RRAGD: variants seen among roughly 807,000 people sequenced by gnomAD.
RRAGD encodes the protein Ras related GTP binding D, also known as ras-related GTP-binding protein D.
In RRAGD, 12 loss-of-function variants were observed where a neutral mutation model predicts 35.5. The observed-to-expected ratio is 0.34, with a 90% confidence interval of 0.22 to 0.55. RRAGD has a LOEUF of 0.55. Among genes scored for constraint, RRAGD ranks in the 20% least tolerant of loss-of-function variants. The pLI, the probability that RRAGD is intolerant of heterozygous loss-of-function variation, is 0.91. For missense variants in RRAGD, 324 were observed against 490.1 expected (o/e 0.66, Z 3.20); for synonymous variants, 155 against 178.9 (o/e 0.87, Z 1.07).
chr6:89,392,524 T>C (rs1261254119), intron 1 of RRAGD, among the ~76,000 whole-genome samples: 1 of 151,888 alleles, frequency 6.6e-6, no homozygotes, highest in African/African-American at 2.4e-5. Context: ...GTATATACAT[T>C]AAATTATTTT....
rs1408104589 is a variant in RRAGD, at chr6:89,411,797, A to C, written c.148+49T>G. 17 of 1,510,022 alleles carry C rather than the reference A, an allele frequency of 1.1e-5. No individual in the cohort carries two copies. Among genetic ancestry groups the C allele is most frequent in the East Asian group, 5.1e-5 (2 of 38,870 alleles). The allele number at this position is 1,510,022 out of a possible 1,614,324, so 93.5% of individuals were successfully genotyped here. ...GCCGGGCTGGGGGCGGGAAGGCGCCAAGGGGAGGAAAGGGGCGCGAGCCGA... is the reference window on the plus strand; with the variant it reads ...GCCGGGCTGGGGGCGGGAAGGCGCCCAGGGGAGGAAAGGGGCGCGAGCCGA... On this transcript the variant is annotated intron_variant, in intron 1 of 6. Transcript: ENST00000369415. The surrounding 1 kb of genome is among the most constrained non-coding windows in gnomAD (Gnocchi z 5.6).
rs531538035 is a variant in RRAGD, at chr6:89,407,677, C to T, written c.148+4169G>A. Among the ~76,000 whole-genome samples, 28 of 152,024 alleles carry T rather than the reference C, an allele frequency of 1.8e-4. 1 individual carries two copies. Among genetic ancestry groups the T allele is most frequent in the Non-Finnish European group, 3.4e-4 (23 of 67,990 alleles). On this transcript the variant is annotated intron_variant, in intron 1 of 6. Transcript: ENST00000369415. ...AAGAAAGAAGAAAAATGAGCAGGAA[C>T]GAAGTGTCTGTGCTAAAAGTGAAAT...
chr6:89,411,496 G>GTCCCC lies in RRAGD; in HGVS notation c.148+345_148+349dup, dbSNP rs1769692094. On this transcript the variant is annotated intron_variant, in intron 1 of 6. Transcript: ENST00000369415. The surrounding 1 kb of genome is among the most constrained non-coding windows in gnomAD (Gnocchi z 5.6). ...AGAGAGGTCCCAGGGCGCGCCCGCGGTCCCCTCCCCTCCCCAACCGCCAGA... is the reference window on the plus strand; with the variant it reads ...AGAGAGGTCCCAGGGCGCGCCCGCGGTCCCCTCCCCTCCCCTCCCCAACCGCCAGA... 1 of 262,222 alleles carries GTCCCC rather than the reference G, an allele frequency of 3.8e-6. No individual in the cohort carries two copies. Among genetic ancestry groups the GTCCCC allele is most frequent in the Non-Finnish European group, 7.4e-6 (1 of 135,208 alleles). 16.2% of individuals were successfully genotyped at this position (262,222 alleles called of 1,614,324 possible). A position where few individuals can be genotyped will look rare whatever the true frequency, so the allele number is the denominator to read the frequency against.
chr6:89,381,373 T>C (rs1769039715), intron 2 of RRAGD, among the ~76,000 whole-genome samples: 2 of 152,178 alleles, frequency 1.3e-5, no homozygotes, highest in South Asian at 4.1e-4. Flanking sequence ...AACTTTTTTC[T>C]TCTTCCCATG....
chr6:89,410,788 A>T (rs1675297970), intron 1 of RRAGD, among the ~76,000 whole-genome samples: 2 of 152,262 alleles, frequency 1.3e-5, no homozygotes. Context: ...AAATAAGTTC[A>T]GTGAATTCTC....
intron 1 of RRAGD, among the ~76,000 whole-genome samples, chr6:89,406,460 G>A (rs1349820080): frequency 6.6e-6 from 1 of 152,092 alleles, no homozygotes; most frequent in East Asian, 1.9e-4. Flanking sequence ...GAACACACAA[G>A]CGGCTGGACA....
chr6:89,398,098 T>C (rs768928905), intron 1 of RRAGD, among the ~76,000 whole-genome samples: 2 of 151,960 alleles, frequency 1.3e-5, no homozygotes, highest in African/African-American at 4.8e-5. Context: ...TGAGCCAAGA[T>C]TGCGTCACTG....
rs79127245 is a variant in RRAGD, at chr6:89,387,528, T to C, written c.211A>G (p.Arg71Gly). 2 of 1,614,144 alleles carry C rather than the reference T, an allele frequency of 1.2e-6. No individual in the cohort carries two copies. The highest frequency in any genetic ancestry group is 1.7e-6 in the Non-Finnish European group (2 of 1,180,022). ...VKPRILLMGL[R>G]RSGKSSIQKV... ...TGAATAGACGACTTGCCGCTTCTCC[T>C]CAGGCCCATGAGCAGGATTCTCGGC... Residue 71 changes from arginine (R) to glycine (G), a missense_variant, in exon 2 of 7, where the codon AGG becomes GGG. Physicochemically the swap from Arg to Gly is moderately radical, Grantham distance 125. Around this residue, in one of 5 missense-constraint regions of RRAGD, gnomAD observed 7 missense variants for 16.5 expected, o/e 0.42. Transcript: ENST00000369415.
At chr6:89,370,003 C>T (rs1768828755) in intron 6 of RRAGD, among the ~76,000 whole-genome samples, 1 of 152,142 alleles carries the variant, frequency 6.6e-6, no homozygotes, top group African/African-American at 2.4e-5. Flanking sequence ...ACCCAGGCAC[C>T]AGGCACACCA....
chr6:89,392,404 C>T (rs1011968814), intron 1 of RRAGD, among the ~76,000 whole-genome samples: 13 of 149,260 alleles, frequency 8.7e-5, no homozygotes, highest in African/African-American at 3.2e-4. Context: ...CCCTTAAGCC[C>T]AGGAGTTCAA....
rs566536903 is a variant in RRAGD, at chr6:89,377,252, G to A, written c.902+419C>T. ...ATATGTGGCTTTTTGACTGTTCAAA[G>A]GGTTGGTACCCCAACCCCTGTGTTG... On this transcript the variant is annotated intron_variant, in intron 5 of 6. Coordinates refer to ENST00000369415, the MANE Select transcript of RRAGD (RefSeq NM_021244.5). 5.9e-5 allele frequency among the ~76,000 whole-genome samples: 9 copies of A among 152,200 alleles called. No homozygotes were observed. The East Asian group carries it at 1.7e-3, about 29-fold the overall frequency.
chr6:89,387,262 A>G, intron 2 of RRAGD, 33 bp downstream of exon 2: 2 of 1,596,476 alleles, frequency 1.3e-6, no homozygotes, highest in Non-Finnish European at 1.7e-6. Context: ...GGGACCGGCC[A>G]GGCCATCATA....
intron 1 of RRAGD, among the ~76,000 whole-genome samples, chr6:89,388,446 T>C (rs759425574): frequency 1.3e-5 from 2 of 152,160 alleles, no homozygotes; most frequent in African/African-American, 4.8e-5. Flanking sequence ...CACATTGTTA[T>C]GTGGCCCTCA....
chr6:89,391,415 T>C (rs9451216), intron 1 of RRAGD, among the ~76,000 whole-genome samples: 43,334 of 151,700 alleles, frequency 0.29, 7,045 homozygotes, highest in African/African-American at 0.43. Flanking sequence ...GGAATATTAT[T>C]CAGCCATAAA....
At chr6:89,370,394 A>G (rs1768835287) in intron 6 of RRAGD, among the ~76,000 whole-genome samples, 1 of 152,214 alleles carries the variant, frequency 6.6e-6, no homozygotes, top group South Asian at 2.1e-4. Context: ...CACATAATAT[A>G]CCAGTTTTCA....
At chr6:89,407,301 T>A (rs117068745) in intron 1 of RRAGD, among the ~76,000 whole-genome samples, 8,816 of 151,992 alleles carry the variant, frequency 0.058, 489 homozygotes, top group East Asian at 0.3. Context: ...AATATTTTTT[T>A]AAAAAATAAA....
intron 5 of RRAGD, among the ~76,000 whole-genome samples, 153 bp from the exon 6 acceptor site, chr6:89,372,738 C>A (rs1458676203): frequency 4.6e-5 from 7 of 152,232 alleles, no homozygotes; most frequent in Non-Finnish European, 1.0e-4. Flanking sequence ...CAGAAACACA[C>A]AGGCACAAAA....
At chr6:89,372,140 C>T (rs1371255274) in intron 6 of RRAGD, among the ~76,000 whole-genome samples, 1 of 152,180 alleles carries the variant, frequency 6.6e-6, no homozygotes, top group African/African-American at 2.4e-5. Flanking sequence ...CAACAGTGCC[C>T]CAACTAGCTT....
In RRAGD at chr6:89,380,333, A is replaced by ACAT; in HGVS notation, c.478_479insATG (p.Leu160delinsHisVal). ...CACTTTGTAGGCCCTGGTCACCGTG[A>ACAT]GGTGGAGCCTGGCCAGGGCTTCCAT... is the stretch of plus-strand genomic sequence containing the variant. On this transcript the variant is annotated protein_altering_variant, in exon 3 of 7. Transcript: ENST00000369415. The ACAT allele has an allele frequency of 6.2e-7, 1 of 1,614,252 alleles. No individual in the cohort carries two copies. The highest frequency in any genetic ancestry group is 8.5e-7 in the Non-Finnish European group (1 of 1,180,050).
Sources: allele counts gnomAD v4.1 joint callset (sites outside exome capture counted in the v4.1 genomes callset), GRCh38; gene constraint gnomAD v4.1.1; regional missense constraint gnomAD v4.1.1; non-coding constraint Gnocchi (gnomAD v3.1); transcripts MANE v1.5; gene names NCBI Gene and HGNC (gene_info 2026-07-23, HGNC 2026-07-21).